LINGO2: variants seen among roughly 807,000 people sequenced by gnomAD.
LINGO2 encodes leucine-rich repeat and immunoglobulin-like domain-containing nogo receptor-interacting protein 2.
Under a neutral mutation model 30.6 loss-of-function variants are expected in LINGO2, and 14 were observed. The observed-to-expected ratio is 0.46, with a 90% confidence interval of 0.30 to 0.72. The LOEUF (loss-of-function observed/expected upper bound fraction) is 0.72. Ranked by LOEUF, LINGO2 falls within the 30% of genes least tolerant of loss-of-function variation. The pLI, the probability that LINGO2 is intolerant of heterozygous loss-of-function variation, is 0.07. For missense variants in LINGO2, 729 were observed against 751.7 expected, an observed-to-expected ratio of 0.97 and a Z score of 0.35; for synonymous variants, 317 against 288.5, an observed-to-expected ratio of 1.10 and a Z score of -1.00.
At chr9:29,047,051 A>AAAAAAAAAAAAAAAAC in the LINGO2 span, among the ~76,000 whole-genome samples, 2,987 of 105,756 alleles carry the variant, frequency 0.028, 371 homozygotes, top group Non-Finnish European at 0.04. Context: ...AAAAAAAAAA[A>AAAAAAAAAAAAAAAAC]CCAAAAACAA....
intron 4 of LINGO2, among the ~76,000 whole-genome samples, chr9:28,124,125 G>C: frequency 6.6e-6 from 1 of 152,170 alleles, no homozygotes; most frequent in East Asian, 1.9e-4. Context: ...TGGCTTTAAA[G>C]ACAATTGGTC....
chr9:28,059,418 C>T lies in LINGO2; in HGVS notation c.-86-47013G>A, dbSNP rs556139162. 8.5e-5 allele frequency among the ~76,000 whole-genome samples: 13 copies of T among 152,138 alleles called. 1 individual carries two copies. The highest frequency in any genetic ancestry group is 7.8e-4 in the East Asian group (4 of 5,148). On this transcript the variant is annotated intron_variant, in intron 4 of 5. Transcript: ENST00000379992. ...TGTCTTTTTCTCAATCCTTTGACTC[C>T]GCCGGTCTTTGTCCACCCGCACGAC...
chr9:29,056,064 T>C, the LINGO2 span, among the ~76,000 whole-genome samples: 1 of 151,956 alleles, frequency 6.6e-6, no homozygotes, highest in Non-Finnish European at 1.5e-5. Flanking sequence ...TGAAATGTTC[T>C]GCTATAAACA....
At chr9:28,858,292 C>T in the LINGO2 span, among the ~76,000 whole-genome samples, 2 of 151,974 alleles carry the variant, frequency 1.3e-5, no homozygotes, top group Non-Finnish European at 2.9e-5. Flanking sequence ...TTCTGGTTTA[C>T]TGGTTGTCAG....
intron 1 of LINGO2, among the ~76,000 whole-genome samples, chr9:28,490,728 A>G (rs959160042): frequency 6.6e-6 from 1 of 152,220 alleles, no homozygotes; most frequent in African/African-American, 2.4e-5. Context: ...GGTAGAGAGA[A>G]GTAACATTCT....
chr9:29,163,543 C>A, the LINGO2 span, among the ~76,000 whole-genome samples: 1 of 152,100 alleles, frequency 6.6e-6, no homozygotes, highest in Non-Finnish European at 1.5e-5. Flanking sequence ...AAGGTCCTTT[C>A]TAGGTATAAG....
intron 1 of LINGO2, chr9:28,598,870 G>T (rs1825334170): frequency 6.6e-6 from 1 of 152,124 alleles, no homozygotes; most frequent in South Asian, 2.1e-4. Flanking sequence ...CAGCAGTCTT[G>T]AAGCCCTTAT....
At chr9:28,002,026 A>C (rs1041936212) in intron 5 of LINGO2, among the ~76,000 whole-genome samples, 17 of 152,230 alleles carry the variant, frequency 1.1e-4, no homozygotes, top group African/African-American at 3.9e-4. Flanking sequence ...CAAAACTTTC[A>C]TACATTTTGG....
chr9:29,074,247 T>C, the LINGO2 span, among the ~76,000 whole-genome samples: 1 of 152,116 alleles, frequency 6.6e-6, no homozygotes, highest in South Asian at 2.1e-4. Context: ...TTAAATGAAG[T>C]CAATCAACAG....
the LINGO2 span, among the ~76,000 whole-genome samples, chr9:28,928,022 T>C: frequency 6.6e-5 from 10 of 152,214 alleles, no homozygotes; most frequent in Non-Finnish European, 1.2e-4. Context: ...AAAGTAGTCA[T>C]TGTCTTATTT....
the LINGO2 span, among the ~76,000 whole-genome samples, chr9:29,165,340 G>C: frequency 6.6e-6 from 1 of 152,014 alleles, no homozygotes; most frequent in African/African-American, 2.4e-5. Flanking sequence ...AAGCACTGGA[G>C]ATACGGCAGT....
chr9:28,048,313 A>C (rs1466109671), intron 4 of LINGO2, among the ~76,000 whole-genome samples: 1 of 151,064 alleles, frequency 6.6e-6, no homozygotes, highest in Non-Finnish European at 1.5e-5. Flanking sequence ...AAACATTGTA[A>C]TTAAATTTTT....
At chr9:27,954,730 G>A (rs951896859) in intron 5 of LINGO2, among the ~76,000 whole-genome samples, 1 of 152,100 alleles carries the variant, frequency 6.6e-6, no homozygotes, top group Admixed American at 6.5e-5. Flanking sequence ...ACCCAAGACT[G>A]GGAAGAAAAA....
At chr9:29,206,881 C>T in the LINGO2 span, among the ~76,000 whole-genome samples, 1 of 151,972 alleles carries the variant, frequency 6.6e-6, no homozygotes, top group African/African-American at 2.4e-5. Context: ...CTAATCGAGA[C>T]CAAAGCTAGG....
At chr9:28,829,315 C>T in the LINGO2 span, among the ~76,000 whole-genome samples, 1 of 152,096 alleles carries the variant, frequency 6.6e-6, no homozygotes, top group Non-Finnish European at 1.5e-5. Flanking sequence ...ATGTACTATC[C>T]TTCAATTTGT....
the LINGO2 span, among the ~76,000 whole-genome samples, chr9:29,001,992 T>A: frequency 6.6e-6 from 1 of 152,022 alleles, no homozygotes; most frequent in Non-Finnish European, 1.5e-5. Context: ...GTATTAAAAT[T>A]CCTTCTATGG....
chr9:28,774,797 G>T, the LINGO2 span, among the ~76,000 whole-genome samples: 1 of 151,970 alleles, frequency 6.6e-6, no homozygotes, highest in African/African-American at 2.4e-5. Flanking sequence ...TTTTCAGTGG[G>T]AATCAACAAA....
At chr9:29,066,014 T>A in the LINGO2 span, among the ~76,000 whole-genome samples, 1 of 151,890 alleles carries the variant, frequency 6.6e-6, no homozygotes, top group South Asian at 2.1e-4. Flanking sequence ...TGGAGCTGAA[T>A]TAAAGCTACT....
At chr9:28,007,241 G>C (rs10968272) in intron 5 of LINGO2, among the ~76,000 whole-genome samples, 1 of 152,032 alleles carries the variant, frequency 6.6e-6, no homozygotes, top group South Asian at 2.1e-4. Context: ...CATCGTCCAC[G>C]TTAGGAAGTG....
Sources: allele counts gnomAD v4.1 joint callset (sites outside exome capture counted in the v4.1 genomes callset), GRCh38; gene constraint gnomAD v4.1.1; transcripts MANE v1.5; gene names NCBI Gene and HGNC (gene_info 2026-07-23, HGNC 2026-07-21).